Variants in TRIM6 observed in about 807,000 individuals in gnomAD.
The protein encoded by TRIM6 is tripartite motif containing 6, also known as tripartite motif-containing protein 6.
A neutral mutation model predicts 51.2 loss-of-function variants in TRIM6; 43 were observed. That is an observed-to-expected ratio of 0.84 (90% CI 0.66 to 1.08). The LOEUF (loss-of-function observed/expected upper bound fraction) is 1.08. TRIM6 is among the 50% of genes least tolerant of loss of function. The pLI is 0.00. For missense variants in TRIM6, 669 were observed against 619.0 expected (o/e 1.08, Z -0.86); for synonymous variants, 215 against 232.4 (o/e 0.93, Z 0.68).
chr11:5,596,119 C>G (rs1182642675), upstream of TRIM6: 1 of 152,198 alleles, frequency 6.6e-6, no homozygotes, highest in African/African-American at 2.4e-5. Flanking sequence ...CTGAGTCTTT[C>G]GGCCTGGGTG....
upstream of TRIM6, chr11:5,596,636 C>T (rs1847480405): frequency 2.4e-6 from 1 of 414,104 alleles, no homozygotes; most frequent in South Asian, 2.9e-5. Flanking sequence ...CGACTCCTCC[C>T]AGAAGGAGTT....
Position 5,605,314 on chromosome 11 carries a change from C to A in TRIM6, c.604-23C>A, listed in dbSNP as rs374319206. The A allele has an allele frequency of 2.0e-5, 32 of 1,613,706 alleles. No individual in the cohort carries two copies. In the South Asian group the frequency reaches 3.2e-4, roughly 16 times the overall value. On this transcript the variant is annotated intron_variant, in intron 3 of 7. Coordinates refer to ENST00000380097, the MANE Select transcript of TRIM6 (RefSeq NM_001003818.3). The stretch of plus-strand genomic sequence containing the variant: ...CCTCAGTGTGACCGACTAGCAGCCT[C>A]TTTTTCTTCCCTGTTCCTGAAGAAT...
At chr11:5,608,088 C>A (rs1848333209) in intron 4 of TRIM6, among the ~76,000 whole-genome samples, 1 of 152,170 alleles carries the variant, frequency 6.6e-6, no homozygotes, top group Non-Finnish European at 1.5e-5. Flanking sequence ...AGGCACAATG[C>A]CTGACAAATA....
rs973340358 is a variant in TRIM6 at position 5,611,548 on chromosome 11, G to C, written c.*206G>C. The C allele has an allele frequency of 4.0e-6, 2 of 504,624 alleles. No homozygotes were observed. Among genetic ancestry groups the C allele is most frequent in the African/African-American group, 3.8e-5 (2 of 52,018 alleles). 31.3% of individuals were successfully genotyped at this position (504,624 alleles called of 1,614,324 possible). On this transcript the variant is annotated 3_prime_UTR_variant, in exon 8 of 8. Coordinates refer to ENST00000380097, the MANE Select transcript of TRIM6 (RefSeq NM_001003818.3). ...GGCTCACTGCAACCTCTGCCTCCTG[G>C]GTTCAAGCGAACCTCCTGCCTCAGC... is the stretch of plus-strand genomic sequence containing the variant.
chr11:5,602,419 G>T (rs1847925058), intron 1 of TRIM6, among the ~76,000 whole-genome samples: 1 of 151,774 alleles, frequency 6.6e-6, no homozygotes, highest in African/African-American at 2.4e-5. Context: ...CTCCAGCCTG[G>T]GCGACAGAGC....
At position 5,603,498 on chromosome 11, in the gene TRIM6, C is replaced by T; in HGVS notation, c.270C>T (p.Ser90=). 2 of 1,614,106 alleles carry T rather than the reference C, an allele frequency of 1.2e-6. No individual in the cohort carries two copies. Among genetic ancestry groups the T allele is most frequent in the South Asian group, 1.1e-5 (1 of 91,076 alleles). Residue 90 remains serine (S), a synonymous_variant, in exon 2 of 8, where the codon AGC becomes AGT. Transcript: ENST00000380097. ...GERSCPVCQT[S]YQPGNLRPNR... Reference sequence around the variant, plus strand: ...GAAGCTGCCCTGTGTGCCAGACCAGCTACCAGCCAGGGAACCTGCGGCCTA... The same window carrying T: ...GAAGCTGCCCTGTGTGCCAGACCAGTTACCAGCCAGGGAACCTGCGGCCTA...
Position 5,596,718 on chromosome 11 carries a change from G to C in TRIM6, c.-180G>C, listed in dbSNP as rs1419929296. On this transcript the variant is annotated 5_prime_UTR_variant, in exon 1 of 8. Transcript: ENST00000380097. ...CAACGGCCAAAGGCTGGCGGAGGAG[G>C]GATCCCCTGCCTTTCTCGGAACGGA... The C allele has an allele frequency of 1.1e-6, 1 of 912,580 alleles. No homozygotes were observed. Among genetic ancestry groups the C allele is most frequent in the Non-Finnish European group, 1.7e-6 (1 of 597,216 alleles). 56.5% of individuals were successfully genotyped at this position (912,580 alleles called of 1,614,324 possible).
chr11:5,603,706 C>T lies in TRIM6; in HGVS notation c.478C>T (p.Leu160Phe). 1 of 1,613,372 alleles carries T rather than the reference C, an allele frequency of 6.2e-7. No individual in the cohort carries two copies. The highest frequency in any genetic ancestry group is 8.5e-7 in the Non-Finnish European group (1 of 1,179,916). The change falls in exon 2 of 8, where the codon CTC becomes TTC. Residue 160 changes from leucine (L) to phenylalanine (F), a missense_variant. Transcript: ENST00000380097. ...GGAGCACCGTGGTCACCACACGTTCCTCGTGGAGGAGGTTGCCCAGGAGTA... is the reference window on the plus strand; with the variant it reads ...GGAGCACCGTGGTCACCACACGTTCTTCGTGGAGGAGGTTGCCCAGGAGTA... ...SQEHRGHHTF[L>F]VEEVAQEYQE...
At chr11:5,610,629 A>C in intron 7 of TRIM6, 68 bp downstream of exon 7, 1 of 1,583,742 alleles carries the variant, frequency 6.3e-7, no homozygotes, top group Non-Finnish European at 8.6e-7. Flanking sequence ...CTCCCCAGAC[A>C]TAGCCACACA....
At chr11:5,605,924 T>C (rs372190701) in intron 4 of TRIM6, among the ~76,000 whole-genome samples, 2 of 152,224 alleles carry the variant, frequency 1.3e-5, no homozygotes, top group African/African-American at 4.8e-5. Flanking sequence ...TCCTGTACAT[T>C]GTAGGATGCT....
rs894529823 is a variant in TRIM6, at chr11:5,610,712, T to C, written c.986-65T>C. 5 of 1,582,532 alleles carry C rather than the reference T, an allele frequency of 3.2e-6. No homozygotes were observed. In the Admixed American group the frequency reaches 5.2e-5, roughly 16 times the overall value. The stretch of plus-strand genomic sequence containing the variant: ...TCCTCCAACCACTTCCTGTGTTTCC[T>C]CTTCTCAGCATAACGAGACCCATGT... On this transcript the variant is annotated intron_variant, in intron 7 of 7. Coordinates refer to ENST00000380097, the MANE Select transcript of TRIM6 (RefSeq NM_001003818.3).
intron 1 of TRIM6, among the ~76,000 whole-genome samples, chr11:5,602,520 G>C (rs1232444384): frequency 1.3e-5 from 2 of 151,882 alleles, no homozygotes; most frequent in African/African-American, 4.8e-5. Flanking sequence ...TCTGATAAGG[G>C]AATAGGTAGG....
At position 5,610,870 on chromosome 11, in the gene TRIM6, G is replaced by C; in HGVS notation, c.1079G>C (p.Gly360Ala). Residue 360 changes from glycine (G) to alanine (A), a missense_variant, in exon 8 of 8, where the codon GGA becomes GCA. Physicochemically the swap from Gly to Ala is moderately conservative, Grantham distance 60 (BLOSUM62 0). Transcript: ENST00000380097. ...AGGTTTGTGGGAGCTAAAGTATCTG[G>C]ACCTTCCTGTCTGGAAAAGCATTAT... ...QVRFVGAKVS[G>A]PSCLEKHYDC... 6.2e-7 allele frequency: 1 copy of C among 1,614,136 alleles called. No individual in the cohort carries two copies. The highest frequency in any genetic ancestry group is 8.5e-7 in the Non-Finnish European group (1 of 1,180,046).
intron 4 of TRIM6, among the ~76,000 whole-genome samples, chr11:5,606,269 G>C (rs1262612095): frequency 6.6e-6 from 1 of 152,178 alleles, no homozygotes; most frequent in East Asian, 1.9e-4. Context: ...TTGGGGGTCT[G>C]GGCTCTGGTC....
intron 6 of TRIM6, 30 bp from the exon 7 acceptor site, chr11:5,610,505 C>T (rs374184703): frequency 2.5e-6 from 4 of 1,614,020 alleles, no homozygotes; most frequent in Non-Finnish European, 3.4e-6. Flanking sequence ...TGGTCCTATT[C>T]AACATTATTG....
rs1278642378 is a variant in TRIM6, at chr11:5,604,595, C to A, written c.569C>A (p.Thr190Lys). Residue 190 changes from threonine (T) to lysine (K), a missense_variant, in exon 3 of 8, where the codon ACA becomes AAA. Coordinates refer to ENST00000380097, the MANE Select transcript of TRIM6 (RefSeq NM_001003818.3). The part of the protein sequence containing the change: ...KNEEQEAEKL[T>K]AFIREKKTSW... ...GAGGAGCAGGAAGCTGAGAAGCTAA[C>A]AGCTTTTATCAGAGAGAAGAAAACA... 2.5e-6 allele frequency: 4 copies of A among 1,613,080 alleles called. No individual in the cohort carries two copies. The highest frequency in any genetic ancestry group is 3.4e-6 in the Non-Finnish European group (4 of 1,179,614).
chr11:5,596,728 C>G lies in TRIM6; in HGVS notation c.-170C>G, dbSNP rs188198831. The G allele has an allele frequency of 2.0e-6, 2 of 1,015,890 alleles. No homozygotes were observed. The highest frequency in any genetic ancestry group is 2.6e-5 in the East Asian group (1 of 38,882). The allele number at this position is 1,015,890 out of a possible 1,614,324, so 62.9% of individuals were successfully genotyped here. A position where few individuals can be genotyped will look rare whatever the true frequency, so the allele number is the denominator to read the frequency against. ...AGGCTGGCGGAGGAGGGATCCCCTG[C>G]CTTTCTCGGAACGGAACGGAGCAGA... On this transcript the variant is annotated 5_prime_UTR_variant, in exon 1 of 8. Transcript: ENST00000380097.
intron 3 of TRIM6, among the ~76,000 whole-genome samples, chr11:5,604,949 G>A (rs1848118368): frequency 6.6e-6 from 1 of 152,164 alleles, no homozygotes; most frequent in African/African-American, 2.4e-5. Flanking sequence ...CAAATGCAAG[G>A]GAAAATGCAG....
At chr11:5,610,659 T>G in intron 7 of TRIM6, 98 bp downstream of exon 7, 4 of 1,543,684 alleles carry the variant, frequency 2.6e-6, no homozygotes, top group Non-Finnish European at 2.6e-6. Flanking sequence ...TGTTGATGCC[T>G]CCCCCATCCC....
Sources: gnomAD v4.1 joint callset for allele counts (sites outside exome capture counted in the v4.1 genomes callset) on GRCh38, gnomAD v4.1.1 for gene constraint, MANE v1.5 for transcripts, NCBI Gene and HGNC (gene_info 2026-07-23, HGNC 2026-07-21) for gene names.